The following ZNF407 variants were observed in gnomAD, a reference collection of about 807,000 sequenced individuals.
ZNF407 encodes the protein zinc finger protein 407.
ZNF407 carries 17 observed loss-of-function variants against 131.2 expected under a neutral mutation model. The ratio of observed to expected loss-of-function variants is 0.13; its 90% CI spans 0.09 to 0.19. ZNF407 has a LOEUF of 0.19. Ranked by LOEUF, ZNF407 falls within the 10% of genes least tolerant of loss-of-function variation. The pLI, the probability that ZNF407 is intolerant of heterozygous loss-of-function variation, is 1.00. For missense variants in ZNF407, 2,681 were observed against 2,830.6 expected, an observed-to-expected ratio of 0.95 and a Z score of 1.20; for synonymous variants, 1,156 against 1,062.0, an observed-to-expected ratio of 1.09 and a Z score of -1.72.
chr18:74,991,464 G>A (rs1383003360), intron 8 of ZNF407, among the ~76,000 whole-genome samples: 2 of 152,134 alleles, frequency 1.3e-5, no homozygotes, highest in Non-Finnish European at 2.9e-5. Context: ...TCTAAGATGA[G>A]TCATCTCTTT....
chr18:74,664,533 A>G (rs748560934), intron 3 of ZNF407, among the ~76,000 whole-genome samples: 20 of 152,204 alleles, frequency 1.3e-4, no homozygotes, highest in Non-Finnish European at 2.6e-4. Flanking sequence ...ACATTTTTCT[A>G]TGCCCAAACC....
At chr18:75,014,882 C>T (rs1973024879) in intron 8 of ZNF407, among the ~76,000 whole-genome samples, 3 of 152,004 alleles carry the variant, frequency 2.0e-5, no homozygotes, top group Admixed American at 2.0e-4. Context: ...ATAGCTATTC[C>T]ATGCCAATGA....
chr18:74,881,899 G>A (rs1257958261), intron 6 of ZNF407, among the ~76,000 whole-genome samples: 2 of 152,200 alleles, frequency 1.3e-5, no homozygotes, highest in Admixed American at 6.5e-5. Flanking sequence ...GGCTCAGGAA[G>A]ACCTCACAAT....
intron 1 of ZNF407, among the ~76,000 whole-genome samples, chr18:74,615,025 C>T (rs1024695449): frequency 1.3e-5 from 2 of 152,160 alleles, no homozygotes; most frequent in African/African-American, 4.8e-5. Context: ...ACTTAAGCAT[C>T]AAGGCTTTTA....
chr18:74,622,729 T>G (rs1282728699), intron 1 of ZNF407, among the ~76,000 whole-genome samples: 1 of 44,608 alleles, frequency 2.2e-5, no homozygotes, highest in East Asian at 6.6e-4. Flanking sequence ...ACCATAGTGG[T>G]GTGTGTCTGT....
intron 8 of ZNF407, among the ~76,000 whole-genome samples, chr18:75,005,691 TC>T (rs1390528374): frequency 0.016 from 1,783 of 109,084 alleles, 14 homozygotes; most frequent in Middle Eastern, 0.035. Flanking sequence ...AAACATGTCA[TC>T]CCCGCCACCC....
rs1314003602 is a variant in ZNF407 at position 74,700,215 on chromosome 18, G to T, written c.4802+59093G>T. Among the ~76,000 whole-genome samples, 5 of 152,270 alleles carry T rather than the reference G, an allele frequency of 3.3e-5. No homozygotes were observed. In the East Asian group the frequency reaches 9.6e-4, roughly 29 times the overall value. On this transcript the variant is annotated intron_variant, in intron 3 of 8. Transcript: ENST00000299687. Reference sequence around the variant, plus strand: ...AAATCCTCAAATTATCGCAGAGGGAGGGTCCATGTGAAGTAAGTTTTAAAA... The same window carrying T: ...AAATCCTCAAATTATCGCAGAGGGATGGTCCATGTGAAGTAAGTTTTAAAA...
chr18:74,843,221 C>G (rs951771782), intron 4 of ZNF407, among the ~76,000 whole-genome samples: 1 of 152,056 alleles, frequency 6.6e-6, no homozygotes, highest in Non-Finnish European at 1.5e-5. Flanking sequence ...TTTTTGAGTG[C>G]TTCCTGCTTC....
At chr18:74,814,164 C>A (rs193301459) in intron 4 of ZNF407, among the ~76,000 whole-genome samples, 3 of 152,264 alleles carry the variant, frequency 2.0e-5, no homozygotes, top group Admixed American at 6.5e-5. Flanking sequence ...GATACAGGGT[C>A]TCCCTCTGTT....
intron 3 of ZNF407, among the ~76,000 whole-genome samples, chr18:74,739,510 T>TTA (rs994229242): frequency 6.7e-4 from 101 of 150,992 alleles, no homozygotes; most frequent in Middle Eastern, 3.4e-3. Flanking sequence ...TTATTTATAT[T>TTA]TATATATATA....
chr18:74,637,515 A>G (rs533397884), intron 2 of ZNF407, among the ~76,000 whole-genome samples: 1 of 151,302 alleles, frequency 6.6e-6, no homozygotes, highest in African/African-American at 2.4e-5. Context: ...TTTTTTAAAC[A>G]TCTTGTGTTG....
chr18:74,633,880 C>A lies in ZNF407; in HGVS notation c.2861C>A (p.Thr954Asn). 6.2e-7 allele frequency: 1 copy of A among 1,613,982 alleles called. No homozygotes were observed. Among genetic ancestry groups the A allele is most frequent in the South Asian group, 1.1e-5 (1 of 91,082 alleles). ...EHANKPAESPTSVLEKPDRGN... is the reference protein window; with the variant it reads ...EHANKPAESPNSVLEKPDRGN... ...GCTAACAAACCAGCTGAGTCACCCACCTCCGTTTTAGAGAAGCCAGATCGT... is the reference window on the plus strand; with the variant it reads ...GCTAACAAACCAGCTGAGTCACCCAACTCCGTTTTAGAGAAGCCAGATCGT... Residue 954 changes from threonine (T) to asparagine (N), a missense_variant, in exon 2 of 9, where the codon ACC becomes AAC. Thr to Asn is a moderately conservative substitution (Grantham distance 65). Coordinates refer to ENST00000299687, the MANE Select transcript of ZNF407 (RefSeq NM_017757.3).
chr18:75,005,857 A>G (rs1046282431), intron 8 of ZNF407, among the ~76,000 whole-genome samples: 1 of 152,094 alleles, frequency 6.6e-6, no homozygotes, highest in Non-Finnish European at 1.5e-5. Context: ...CTTGCTGGTC[A>G]TGTCTGGTCA....
chr18:75,045,309 TAACTG>T (rs1289642532), intron 8 of ZNF407, among the ~76,000 whole-genome samples: 1 of 152,206 alleles, frequency 6.6e-6, no homozygotes, highest in African/African-American at 2.4e-5. Flanking sequence ...TTCATGCTGA[TAACTG>T]AACCATTCAA....
At chr18:74,836,485 C>G (rs1028321518) in intron 4 of ZNF407, among the ~76,000 whole-genome samples, 2 of 152,204 alleles carry the variant, frequency 1.3e-5, no homozygotes, top group African/African-American at 4.8e-5. Flanking sequence ...GCCCTGCTCC[C>G]CCAGCACACA....
At chr18:74,648,743 G>A (rs142990884) in intron 3 of ZNF407, among the ~76,000 whole-genome samples, 15 of 152,324 alleles carry the variant, frequency 9.8e-5, no homozygotes, top group East Asian at 5.8e-4. Context: ...TTACGTAGCC[G>A]TGCTACCTAT....
intron 3 of ZNF407, among the ~76,000 whole-genome samples, chr18:74,751,593 A>G (rs7226816): frequency 0.81 from 122,247 of 151,522 alleles, 52,442 homozygotes; most frequent in East Asian, 0.96. Flanking sequence ...TCATTGTTCA[A>G]TTCCCACCTA....
At chr18:75,050,700 G>C (rs1973490356) in intron 8 of ZNF407, among the ~76,000 whole-genome samples, 1 of 152,224 alleles carries the variant, frequency 6.6e-6, no homozygotes, top group African/African-American at 2.4e-5. Context: ...CAACGGATCA[G>C]TTTGCCCTTT....
intron 4 of ZNF407, among the ~76,000 whole-genome samples, chr18:74,814,053 A>G (rs1362782796): frequency 6.6e-6 from 1 of 152,154 alleles, no homozygotes; most frequent in Non-Finnish European, 1.5e-5. Flanking sequence ...TTTCATTTCT[A>G]GTTATAACAT....
Sources: gnomAD v4.1 joint callset for allele counts (sites outside exome capture counted in the v4.1 genomes callset) on GRCh38, gnomAD v4.1.1 for gene constraint, MANE v1.5 for transcripts, NCBI Gene and HGNC (gene_info 2026-07-23, HGNC 2026-07-21) for gene names.